PHLDB1: variants seen among roughly 807,000 people sequenced by gnomAD.
The protein encoded by PHLDB1 is pleckstrin homology-like domain family B member 1.
A neutral mutation model predicts 139.3 loss-of-function variants in PHLDB1; 65 were observed. That is an observed-to-expected ratio of 0.47 (90% CI 0.38 to 0.57). The LOEUF (loss-of-function observed/expected upper bound fraction) is 0.57, where lower values mean the gene tolerates loss of function less well. Among genes scored for constraint, PHLDB1 ranks in the 20% least tolerant of loss-of-function variants. PHLDB1 has a pLI of 0.00. For synonymous variants in PHLDB1, 679 were observed against 734.5 expected, an observed-to-expected ratio of 0.92 and a Z score of 1.22; for missense variants, 1,624 against 1,839.7, an observed-to-expected ratio of 0.88 and a Z score of 2.14.
In PHLDB1 at chr11:118,608,527, C is replaced by T. The variant is rs1017819862; in HGVS notation, c.-22+828C>T. ...AGGCTCGAGTGGGGACTTGGCCGGGCGACCGCACAGCCCTGCCGGGGACCC... is the reference window on the plus strand; with the variant it reads ...AGGCTCGAGTGGGGACTTGGCCGGGTGACCGCACAGCCCTGCCGGGGACCC... On this transcript the variant is annotated intron_variant, in intron 1 of 22. Transcript: ENST00000600882. The surrounding 1 kb of genome is among the most constrained non-coding windows in gnomAD (Gnocchi z 6.7). 2.0e-5 allele frequency among the ~76,000 whole-genome samples: 3 copies of T among 152,104 alleles called. No individual in the cohort carries two copies. Among genetic ancestry groups the T allele is most frequent in the Non-Finnish European group, 4.4e-5 (3 of 67,976 alleles).
At position 118,656,695 on chromosome 11, in the gene PHLDB1, GCC is replaced by G. The variant is rs1328933996; in HGVS notation, c.4008_4009del (p.Leu1337HisfsTer8). 1 of 1,613,756 alleles carries G rather than the reference GCC, an allele frequency of 6.2e-7. No homozygotes were observed. The highest frequency in any genetic ancestry group is 8.5e-7 in the Non-Finnish European group (1 of 1,179,836). ...FTMVTESPNP[A>X]LTFCVKTHDR... ...CTTCCTTTGGCAGAGCCCGAACCCAGCCCTCACCTTCTGCGTAAAGACCCATG... is the reference window on the plus strand; with the variant it reads ...CTTCCTTTGGCAGAGCCCGAACCCAGCTCACCTTCTGCGTAAAGACCCATG... On this transcript the variant is annotated frameshift_variant, in exon 23 of 23. Transcript: ENST00000600882. LOFTEE classifies it high-confidence loss of function.
chr11:118,618,727 G>T (rs1942168463), intron 4 of PHLDB1, among the ~76,000 whole-genome samples: 1 of 151,704 alleles, frequency 6.6e-6, no homozygotes, highest in South Asian at 2.1e-4. Context: ...CCCTAATCTG[G>T]CCTTGTAGAC....
chr11:118,639,990 C>T (rs913707073), intron 12 of PHLDB1: 1 of 986,134 alleles, frequency 1.0e-6, no homozygotes, highest in Non-Finnish European at 1.2e-6. Context: ...TCTTCTCTGC[C>T]CCAAAGCACA....
Position 118,628,751 on chromosome 11 carries a change from T to G in PHLDB1, c.1827+101T>G, listed in dbSNP as rs547579446. The G allele has an allele frequency of 2.5e-6, 3 of 1,188,724 alleles. No homozygotes were observed. In the South Asian group the frequency reaches 4.5e-5, roughly 18 times the overall value. The allele number at this position is 1,188,724 out of a possible 1,614,324, so 73.6% of individuals were successfully genotyped here. ...AGCAGGAGAGGCCCTCAAACAGGGC[T>G]TCGGCTTCTCAAGGTTCCCCACCTC... On this transcript the variant is annotated intron_variant, in intron 6 of 22. Transcript: ENST00000600882.
chr11:118,618,116 C>T (rs1555091281), intron 4 of PHLDB1, among the ~76,000 whole-genome samples: 2 of 152,130 alleles, frequency 1.3e-5, no homozygotes, highest in Non-Finnish European at 2.9e-5. Context: ...GCCCCAGTGA[C>T]CCTTCCCGAC....
chr11:118,632,860 G>C lies in PHLDB1; in HGVS notation c.2379+564G>C. 1.0e-6 allele frequency: 1 copy of C among 984,620 alleles called. No homozygotes were observed. Among genetic ancestry groups the C allele is most frequent in the Non-Finnish European group, 1.2e-6 (1 of 829,150 alleles). The allele number at this position is 984,620 out of a possible 1,614,324, so 61.0% of individuals were successfully genotyped here. ...CCAGATGCCCAACACCGTGCCAAAA[G>C]CTCTGAAGTGGAGAGGGGTCATCTA... is the stretch of plus-strand genomic sequence containing the variant. On this transcript the variant is annotated intron_variant, in intron 9 of 22. Coordinates refer to ENST00000600882, the MANE Select transcript of PHLDB1 (RefSeq NM_001144758.3). The surrounding 1 kb of genome is among the most constrained non-coding windows in gnomAD (Gnocchi z 5.9).
Position 118,642,342 on chromosome 11 carries a change from C to T in PHLDB1, c.2825C>T (p.Ser942Phe). 1 of 1,611,870 alleles carries T rather than the reference C, an allele frequency of 6.2e-7. No homozygotes were observed. Among genetic ancestry groups the T allele is most frequent in the Non-Finnish European group, 8.5e-7 (1 of 1,179,952 alleles). The change falls in exon 13 of 23, where the codon TCC becomes TTC. Residue 942 changes from serine to phenylalanine, a missense_variant. Physicochemically the swap from Ser to Phe is radical, Grantham distance 155. Coordinates refer to ENST00000600882, the MANE Select transcript of PHLDB1 (RefSeq NM_001144758.3). The stretch of plus-strand genomic sequence containing the variant: ...CTGGGGACTGGCCCCGCTGCAGCCT[C>T]CCCTCACTCTTCTCCCCCGCCTCTG... The part of the protein sequence containing the change: ...AGLGTGPAAA[S>F]PHSSPPPLPA...
At chr11:118,625,196 C>T (rs1420286130) in intron 5 of PHLDB1, 137 bp downstream of exon 5, 53 of 1,056,592 alleles carry the variant, frequency 5.0e-5, no homozygotes, top group African/African-American at 9.8e-5. Flanking sequence ...CTGCCATGGG[C>T]GGGTGGAGAA....
At chr11:118,641,946 A>T (rs781814897) in intron 12 of PHLDB1, 95 of 527,140 alleles carry the variant, frequency 1.8e-4, no homozygotes, top group Non-Finnish European at 2.8e-4. Context: ...GGTGTAGCAC[A>T]TGTCTGTGGT....
chr11:118,628,640 T>C lies in PHLDB1; in HGVS notation c.1817T>C (p.Met606Thr), dbSNP rs1944267523. 17 of 1,606,048 alleles carry C rather than the reference T, an allele frequency of 1.1e-5. No homozygotes were observed. The highest frequency in any genetic ancestry group is 1.4e-5 in the Non-Finnish European group (17 of 1,177,496). The change falls in exon 6 of 23, where the codon ATG becomes ACG. Residue 606 changes from methionine (M) to threonine (T), a missense_variant. By Grantham distance (81) the Met-to-Thr change is moderately conservative (BLOSUM62 -1). Transcript: ENST00000600882. ...QRQERLREQE[M>T]ERLERQRLET... ...CAAGAGCGGCTCCGGGAGCAGGAGA[T>C]GGAGAGGCTGGTGAGCGGGTGCCAG...
At chr11:118,646,259 C>CAAAAAAAAAA (rs58623624) in intron 17 of PHLDB1, 1 of 50,374 alleles carries the variant, frequency 2.0e-5, no homozygotes, top group African/African-American at 1.1e-4. Context: ...GACTCCGTCT[C>CAAAAAAAAAA]AAAAAAAAAA....
At chr11:118,637,337 C>G (rs1945810701) in intron 10 of PHLDB1, 1 of 152,176 alleles carries the variant, frequency 6.6e-6, no homozygotes, top group South Asian at 2.1e-4. Flanking sequence ...GCCTAGCCTA[C>G]TTTGTTGTTG....
At chr11:118,646,094 A>T (rs1297495205) in intron 17 of PHLDB1, among the ~76,000 whole-genome samples, 2 of 152,076 alleles carry the variant, frequency 1.3e-5, no homozygotes, top group Non-Finnish European at 2.9e-5. Flanking sequence ...CCCCGTCTCT[A>T]CTGAAAATAC....
intron 12 of PHLDB1, 141 bp downstream of exon 12, chr11:118,639,392 C>T: frequency 1.5e-6 from 1 of 669,506 alleles, no homozygotes. Flanking sequence ...GAGGAATGGC[C>T]CCAAGCTCTG....
chr11:118,637,640 C>G (rs1945863906), intron 10 of PHLDB1: 1 of 152,180 alleles, frequency 6.6e-6, no homozygotes, highest in South Asian at 2.1e-4. Flanking sequence ...GCCACAGCGC[C>G]CGGCCAGCCT....
intron 3 of PHLDB1, 57 bp downstream of exon 3, chr11:118,614,739 C>T: frequency 6.4e-7 from 1 of 1,565,424 alleles, no homozygotes. Flanking sequence ...GGCATTCCTG[C>T]CCTGGAGGCC....
At position 118,643,923 on chromosome 11, in the gene PHLDB1, C is replaced by A. The variant is rs370943878; in HGVS notation, c.3001C>A (p.Arg1001Ser). ...SSQLSVATLG[R>S]SPSPKSALLT... ...CCAGCTCAGCGTGGCTACCCTGGGG[C>A]GTAGCCCCTCCCCAAAGGTCTGAGG... Residue 1001 changes from arginine (R) to serine (S), a missense_variant, in exon 14 of 23, where the codon CGT (arginine) becomes AGT (serine). Transcript: ENST00000600882. 8 of 1,601,308 alleles carry A rather than the reference C, an allele frequency of 5.0e-6. No homozygotes were observed. The African/African-American group carries it at 9.4e-5, about 19-fold the overall frequency.
chr11:118,656,621 G>A, intron 22 of PHLDB1, 62 bp from the exon 23 acceptor site: 2 of 1,542,278 alleles, frequency 1.3e-6, no homozygotes, highest in South Asian at 1.2e-5. Flanking sequence ...TAGGGAGGCA[G>A]GTGAGAATAT....
intron 4 of PHLDB1, among the ~76,000 whole-genome samples, chr11:118,619,191 A>T (rs1942268932): frequency 6.6e-6 from 1 of 152,112 alleles, no homozygotes. Flanking sequence ...CAAGCAGGGG[A>T]GGACCCAGAA....
Sources: gnomAD v4.1 joint callset for allele counts (sites outside exome capture counted in the v4.1 genomes callset) on GRCh38, gnomAD v4.1.1 for gene constraint, Gnocchi (gnomAD v3.1) non-coding constraint, MANE v1.5 for transcripts, NCBI Gene and HGNC (gene_info 2026-07-23, HGNC 2026-07-21) for gene names.